Variants in DPH6 observed in about 807,000 individuals in gnomAD.
DPH6 encodes the protein diphthamine biosynthesis 6, also known as diphthine--ammonia ligase.
Under a neutral mutation model 38.2 loss-of-function variants are expected in DPH6, and 33 were observed. That is an observed-to-expected ratio of 0.86 (90% CI 0.65 to 1.15). The LOEUF (loss-of-function observed/expected upper bound fraction) is 1.15. Among genes scored for constraint, DPH6 ranks in the 50% most tolerant of loss-of-function variants. DPH6 has a pLI of 0.00. For synonymous variants in DPH6, 108 were observed against 103.0 expected, an observed-to-expected ratio of 1.05 and a Z score of -0.30; for missense variants, 325 against 320.0, an observed-to-expected ratio of 1.02 and a Z score of -0.12.
At chr15:35,217,044 C>T (rs1347300669), downstream of DPH6, among the ~76,000 whole-genome samples, 3 of 152,122 alleles carry the variant, frequency 2.0e-5, no homozygotes, top group Non-Finnish European at 4.4e-5. Context: ...TAAAATCTAA[C>T]TCATGGAATC....
chr15:35,463,584 A>C (rs1446475716), intron 3 of DPH6, among the ~76,000 whole-genome samples: 2 of 152,210 alleles, frequency 1.3e-5, no homozygotes, highest in Non-Finnish European at 2.9e-5. Context: ...AAATGTTCAT[A>C]AAGTACATAC....
At chr15:35,315,584 T>C (rs2052181967) in intron 3 of DPH6, among the ~76,000 whole-genome samples, 1 of 152,160 alleles carries the variant, frequency 6.6e-6, no homozygotes, top group Non-Finnish European at 1.5e-5. Context: ...TCATACACTG[T>C]TGGTGGGAAT....
intron 3 of DPH6, 102 bp from the exon 4 acceptor site, chr15:35,454,922 T>G (rs2053978188): frequency 2.4e-6 from 2 of 816,838 alleles, no homozygotes; most frequent in Non-Finnish European, 3.9e-6. Flanking sequence ...TCTAGAAAAC[T>G]ACCTCAAACC....
chr15:35,435,153 G>A (rs1414501587), intron 5 of DPH6, among the ~76,000 whole-genome samples: 7 of 151,954 alleles, frequency 4.6e-5, no homozygotes, highest in African/African-American at 1.5e-4. Flanking sequence ...TAGAATGGTC[G>A]ATTATCTACA....
intron 6 of DPH6, among the ~76,000 whole-genome samples, chr15:35,399,666 C>CG (rs1442819097): frequency 3.3e-5 from 5 of 152,152 alleles, no homozygotes; most frequent in Admixed American, 1.3e-4. Flanking sequence ...TCATCACATA[C>CG]ATTTAGTCAG....
chr15:35,315,955 G>A (rs1047470667), intron 3 of DPH6, among the ~76,000 whole-genome samples: 2 of 152,096 alleles, frequency 1.3e-5, no homozygotes, highest in African/African-American at 4.8e-5. Flanking sequence ...GACAAGTAAT[G>A]CATGTTCATA....
chr15:35,387,147 G>A (rs1287228478), intron 6 of DPH6, among the ~76,000 whole-genome samples: 1 of 152,178 alleles, frequency 6.6e-6, no homozygotes, highest in Non-Finnish European at 1.5e-5. Flanking sequence ...AGATCGGATA[G>A]TTGTAGACAT....
intron 2 of DPH6, among the ~76,000 whole-genome samples, chr15:35,541,807 T>A (rs1405498159): frequency 3.9e-5 from 6 of 152,132 alleles, no homozygotes; most frequent in Admixed American, 6.6e-5. Context: ...ATTGGGGATA[T>A]TTCATTGGAG....
chr15:35,325,368 A>ATATT (rs2052273846), intron 3 of DPH6, among the ~76,000 whole-genome samples: 1 of 152,214 alleles, frequency 6.6e-6, no homozygotes, highest in East Asian at 1.9e-4. Flanking sequence ...TACTAGAACA[A>ATATT]AAATAGACAA....
At chr15:35,303,062 T>C (rs1300946596) in intron 3 of DPH6, among the ~76,000 whole-genome samples, 1 of 152,086 alleles carries the variant, frequency 6.6e-6, no homozygotes, top group Non-Finnish European at 1.5e-5. Context: ...AGGGTTGAGT[T>C]TCCTTCTCTT....
intron 3 of DPH6, among the ~76,000 whole-genome samples, chr15:35,480,502 C>A (rs2054313838): frequency 6.6e-6 from 1 of 152,012 alleles, no homozygotes; most frequent in South Asian, 2.1e-4. Context: ...AGGTTTCTAT[C>A]CCATACCAGC....
At chr15:35,366,228 T>TTGTGTG (rs10525441), downstream of DPH6, among the ~76,000 whole-genome samples, 10,459 of 144,280 alleles carry the variant, frequency 0.072, 358 homozygotes, top group African/African-American at 0.079. Flanking sequence ...TTTAGTCATC[T>TTGTGTG]TGTGTGTGTG....
chr15:35,353,929 A>G (rs1228704140), intron 3 of DPH6, among the ~76,000 whole-genome samples: 1 of 152,150 alleles, frequency 6.6e-6, no homozygotes, highest in Non-Finnish European at 1.5e-5. Context: ...ATGTTCTTCC[A>G]TTTATTTGTG....
At chr15:35,481,032 A>C (rs74594154) in intron 3 of DPH6, among the ~76,000 whole-genome samples, 2,779 of 152,242 alleles carry the variant, frequency 0.018, 87 homozygotes, top group African/African-American at 0.062. Flanking sequence ...TGTGTTGTCC[A>C]ACAGAACTTT....
At chr15:35,297,710 T>A (rs943051486) in intron 3 of DPH6, among the ~76,000 whole-genome samples, 1 of 152,136 alleles carries the variant, frequency 6.6e-6, no homozygotes, top group Non-Finnish European at 1.5e-5. Context: ...GCTCTGACTT[T>A]GAGTTCTAGA....
At chr15:35,257,637 A>T (rs569349661) in intron 3 of DPH6, among the ~76,000 whole-genome samples, 1 of 152,252 alleles carries the variant, frequency 6.6e-6, no homozygotes, top group East Asian at 1.9e-4. Context: ...TAGGAGATAA[A>T]ATCTTAGAAA....
chr15:35,529,670 A>G (rs984422938), intron 3 of DPH6, among the ~76,000 whole-genome samples: 1 of 152,200 alleles, frequency 6.6e-6, no homozygotes, highest in East Asian at 1.9e-4. Flanking sequence ...GGCAAAGACT[A>G]TGCCTCATAC....
At chr15:35,214,955 A>G (rs879730181), downstream of DPH6, among the ~76,000 whole-genome samples, 5 of 152,224 alleles carry the variant, frequency 3.3e-5, no homozygotes, top group Admixed American at 3.3e-4. Flanking sequence ...TCTCGCAAGA[A>G]TCTATGCTCA....
chr15:35,157,787 T>G, the DPH6 span, among the ~76,000 whole-genome samples: 1 of 152,110 alleles, frequency 6.6e-6, no homozygotes, highest in African/African-American at 2.4e-5. Flanking sequence ...AATTGGACAA[T>G]GAAGAAAGGA....
Sources: gnomAD v4.1 joint callset for allele counts (sites outside exome capture counted in the v4.1 genomes callset) on GRCh38, gnomAD v4.1.1 for gene constraint, MANE v1.5 for transcripts, NCBI Gene and HGNC (gene_info 2026-07-23, HGNC 2026-07-21) for gene names.